Variants in NCBP3 observed in about 807,000 individuals in gnomAD.
The protein encoded by NCBP3 is nuclear cap binding subunit 3, also known as nuclear cap-binding protein subunit 3.
Under a neutral mutation model 75.7 loss-of-function variants are expected in NCBP3, and 20 were observed. The observed-to-expected ratio is 0.26, with a 90% CI of 0.19 to 0.38. NCBP3 has a LOEUF of 0.38. NCBP3 is among the 10% of genes least tolerant of loss of function. The probability of loss-of-function intolerance (pLI) is 1.00; values close to 1 mark genes in which losing one functional copy is unlikely to be tolerated. For missense variants in NCBP3, 678 were observed against 796.9 expected (o/e 0.85, Z 1.80); for synonymous variants, 293 against 290.5 (o/e 1.01, Z -0.09).
At chr17:3,814,102 G>C (rs2053478954) in intron 12 of NCBP3, among the ~76,000 whole-genome samples, 1 of 152,226 alleles carries the variant, frequency 6.6e-6, no homozygotes, top group Non-Finnish European at 1.5e-5. Flanking sequence ...CAAACAGAAA[G>C]AGCCAGGAGT....
chr17:3,825,724 T>C, intron 6 of NCBP3, 43 bp downstream of exon 6: 1 of 1,444,104 alleles, frequency 6.9e-7, no homozygotes, highest in Non-Finnish European at 9.5e-7. Context: ...CAGTGAGCAA[T>C]TTTTTACAAT....
At chr17:3,842,429 TG>T (rs896486574) in intron 2 of NCBP3, among the ~76,000 whole-genome samples, 86 of 152,202 alleles carry the variant, frequency 5.7e-4, no homozygotes, top group Non-Finnish European at 1.0e-3. Flanking sequence ...CACCTAAATA[TG>T]GGGGGCCTAC....
rs1250815509 is a variant in NCBP3 at position 3,811,043 on chromosome 17, C to T, written c.*2001G>A. 2.0e-5 allele frequency: 3 copies of T among 152,384 alleles called. No individual in the cohort carries two copies. The highest frequency in any genetic ancestry group is 4.4e-5 in the Non-Finnish European group (3 of 68,114). The allele number at this position is 152,384 out of a possible 1,614,324, so 9.4% of individuals were successfully genotyped here. A position where few individuals can be genotyped will look rare whatever the true frequency, so the allele number is the denominator to read the frequency against. On this transcript the variant is annotated 3_prime_UTR_variant, in exon 13 of 13. Coordinates refer to ENST00000389005, the MANE Select transcript of NCBP3 (RefSeq NM_001114118.3). ...TGGGAATAAGCCCCTGTCTACACCTCATGCGCGCCCTCAGTTGTCTCCCTG... is the reference window on the plus strand; with the variant it reads ...TGGGAATAAGCCCCTGTCTACACCTTATGCGCGCCCTCAGTTGTCTCCCTG...
At chr17:3,813,712 T>C (rs2053469553) in intron 12 of NCBP3, among the ~76,000 whole-genome samples, 1 of 152,244 alleles carries the variant, frequency 6.6e-6, no homozygotes, top group Non-Finnish European at 1.5e-5. Context: ...TAGAATTTTG[T>C]AGACGGCCAC....
chr17:3,829,889 A>G (rs1372216351), intron 3 of NCBP3, among the ~76,000 whole-genome samples: 9 of 152,248 alleles, frequency 5.9e-5, no homozygotes, highest in Non-Finnish European at 1.2e-4. Context: ...AGCAATTTAC[A>G]TAAAAGGAAA....
intron 11 of NCBP3, among the ~76,000 whole-genome samples, chr17:3,814,961 T>C (rs566653914): frequency 1.3e-5 from 2 of 152,060 alleles, no homozygotes; most frequent in African/African-American, 2.4e-5. Flanking sequence ...TCCTCTTGAG[T>C]TCCCCCTAAC....
chr17:3,829,638 C>A (rs1346071063), intron 3 of NCBP3, among the ~76,000 whole-genome samples: 2 of 152,198 alleles, frequency 1.3e-5, no homozygotes, highest in African/African-American at 4.8e-5. Context: ...ATACCTCTCC[C>A]CACATTAATC....
rs960350600 is a variant in NCBP3, at chr17:3,804,772, A to G, written c.*8272T>C. 2 of 152,226 alleles carry G rather than the reference A, an allele frequency of 1.3e-5. No individual in the cohort carries two copies. The highest frequency in any genetic ancestry group is 6.5e-5 in the Admixed American group (1 of 15,284). 9.4% of individuals were successfully genotyped at this position (152,226 alleles called of 1,614,324 possible). ...GTGCCCTGCTCAGTGCCAAGGCCTC[A>G]CATGCGAGCCCTCATCTGAGCCTCT... On this transcript the variant is annotated 3_prime_UTR_variant, in exon 13 of 13. Transcript: ENST00000389005.
In NCBP3 at chr17:3,802,280, G is replaced by A. The variant is rs2053275650; in HGVS notation, c.*10764C>T. The A allele has an allele frequency of 6.6e-6, 1 of 152,090 alleles. No individual in the cohort carries two copies. Among genetic ancestry groups the A allele is most frequent in the Non-Finnish European group, 1.5e-5 (1 of 68,036 alleles). The allele number at this position is 152,090 out of a possible 1,614,324, so 9.4% of individuals were successfully genotyped here. A position where few individuals can be genotyped will look rare whatever the true frequency, so the allele number is the denominator to read the frequency against. On this transcript the variant is annotated 3_prime_UTR_variant, in exon 13 of 13. Transcript: ENST00000389005. ...TTTGAGATGTGAATGTGTTAACCCA[G>A]GGTGGACAATGGTGTTGACTTCATT...
chr17:3,843,027 C>G (rs1276012025), intron 2 of NCBP3, 59 bp downstream of exon 2: 1 of 1,291,806 alleles, frequency 7.7e-7, no homozygotes, highest in African/African-American at 1.5e-5. Flanking sequence ...TCCTAGGGAT[C>G]AAATTCATTA....
chr17:3,841,203 T>C (rs1004750782), intron 2 of NCBP3, among the ~76,000 whole-genome samples: 4 of 152,058 alleles, frequency 2.6e-5, no homozygotes, highest in Non-Finnish European at 5.9e-5. Context: ...TCTCGATCTC[T>C]TGACCTCGTG....
chr17:3,843,202 CTA>C lies in NCBP3; in HGVS notation c.184-53_184-52del. ...ATTCAGACAGCAATTGAGGAAAAACCTATAATAAAAGTCGGCCTGACATCTGC... is the reference window on the plus strand; with the variant it reads ...ATTCAGACAGCAATTGAGGAAAAACCTAATAAAAGTCGGCCTGACATCTGC... On this transcript the variant is annotated intron_variant, in intron 1 of 12. Coordinates refer to ENST00000389005, the MANE Select transcript of NCBP3 (RefSeq NM_001114118.3). 4 of 1,466,402 alleles carry C rather than the reference CTA, an allele frequency of 2.7e-6. No individual in the cohort carries two copies. The South Asian group carries it at 5.0e-5, about 18-fold the overall frequency. 90.8% of individuals were successfully genotyped at this position (1,466,402 alleles called of 1,614,324 possible).
At chr17:3,839,183 G>GTT (rs1263851263) in intron 3 of NCBP3, among the ~76,000 whole-genome samples, 4 of 152,094 alleles carry the variant, frequency 2.6e-5, no homozygotes, top group Non-Finnish European at 4.4e-5. Flanking sequence ...TTCGGGGTGA[G>GTT]TTCTAGGGAG....
intron 3 of NCBP3, among the ~76,000 whole-genome samples, chr17:3,829,933 T>A (rs939889592): frequency 2.0e-5 from 3 of 152,096 alleles, no homozygotes; most frequent in Non-Finnish European, 4.4e-5. Flanking sequence ...AGGAGATGGG[T>A]TGACCTCACT....
chr17:3,830,919 C>CTTTT (rs1181966080), intron 3 of NCBP3, among the ~76,000 whole-genome samples: 4 of 131,038 alleles, frequency 3.1e-5, no homozygotes, highest in Admixed American at 7.8e-5. Flanking sequence ...TTTTTTTTTT[C>CTTTT]TTTTTTTTTG....
chr17:3,829,690 T>C (rs888019677), intron 3 of NCBP3, among the ~76,000 whole-genome samples: 5 of 152,222 alleles, frequency 3.3e-5, no homozygotes, highest in African/African-American at 9.6e-5. Context: ...GGAGTATTTG[T>C]TGAAGTTAGC....
chr17:3,841,629 T>TG (rs1245126741), intron 2 of NCBP3, among the ~76,000 whole-genome samples: 1 of 137,284 alleles, frequency 7.3e-6, no homozygotes, highest in African/African-American at 2.8e-5. Context: ...TTTGCGGGGA[T>TG]GGGGGGCCTT....
At position 3,846,008 on chromosome 17, in the gene NCBP3, A is replaced by T. The variant is rs1380489987; in HGVS notation, c.183+33T>A. 6.5e-7 allele frequency: 1 copy of T among 1,533,292 alleles called. No homozygotes were observed. The highest frequency in any genetic ancestry group is 2.0e-5 in the Admixed American group (1 of 49,824). The allele number at this position is 1,533,292 out of a possible 1,614,324, so 95.0% of individuals were successfully genotyped here. ...TCCGGCGCTAGACACTAGCCCCGCG[A>T]CCTCTTCCTTACCCCCCGACCCCCG... On this transcript the variant is annotated intron_variant, in intron 1 of 12. Coordinates refer to ENST00000389005, the MANE Select transcript of NCBP3 (RefSeq NM_001114118.3). This position sits in a 1 kb window ranked among gnomAD's most constrained non-coding sequence, Gnocchi z 4.6.
chr17:3,829,460 C>A (rs1321749946), intron 3 of NCBP3, 92 bp from the exon 4 acceptor site: 20 of 1,368,074 alleles, frequency 1.5e-5, no homozygotes, highest in Non-Finnish European at 1.9e-5. Context: ...TCAGACAACA[C>A]GAGTTTAGAA....
Sources: gnomAD v4.1 joint callset for allele counts (sites outside exome capture counted in the v4.1 genomes callset) on GRCh38, gnomAD v4.1.1 for gene constraint, Gnocchi (gnomAD v3.1) non-coding constraint, MANE v1.5 for transcripts, NCBI Gene and HGNC (gene_info 2026-07-23, HGNC 2026-07-21) for gene names.